The following BLTP2 variants were observed in gnomAD, a reference collection of about 807,000 sequenced individuals.
The protein encoded by BLTP2 is bridge-like lipid transfer protein family member 2.
chr17:28,616,051 G>A, the BLTP2 span: 1 of 1,463,992 alleles, frequency 6.8e-7, no homozygotes, highest in Non-Finnish European at 9.6e-7. This position sits in a 1 kb window ranked among gnomAD's most constrained non-coding sequence, Gnocchi z 4.8. Flanking sequence ...ATCTTATCTG[G>A]TTCCCTTCCC....
the BLTP2 span, chr17:28,634,736 G>A: frequency 2.2e-5 from 36 of 1,614,010 alleles, no homozygotes; most frequent in Admixed American, 5.0e-5. Context: ...TAGAGACGAC[G>A]GGAACGCTGG....
the BLTP2 span, chr17:28,642,935 G>A: frequency 8.7e-6 from 14 of 1,611,572 alleles, no homozygotes; most frequent in African/African-American, 2.7e-5. Context: ...GGACTCAGAG[G>A]TATCCACCTT....
At chr17:28,614,713 TATATA>T in the BLTP2 span, 2 of 150,160 alleles carry the variant, frequency 1.3e-5, no homozygotes, top group African/African-American at 4.9e-5. Context: ...TAGAAATATA[TATATA>T]ATATATATAT....
the BLTP2 span, chr17:28,616,699 T>C: frequency 6.2e-7 from 1 of 1,614,180 alleles, no homozygotes; most frequent in Non-Finnish European, 8.5e-7. The surrounding 1 kb of genome is among the most constrained non-coding windows in gnomAD (Gnocchi z 4.8). Flanking sequence ...AAAAAGCCCA[T>C]CATTCTGTGG....
At chr17:28,631,687 A>G in the BLTP2 span, 1 of 1,613,884 alleles carries the variant, frequency 6.2e-7, no homozygotes, top group Non-Finnish European at 8.5e-7. Flanking sequence ...GCCTGCTGAG[A>G]AAAAGAGGCA....
chr17:28,624,502 G>T, the BLTP2 span: 1 of 877,974 alleles, frequency 1.1e-6, no homozygotes, highest in Non-Finnish European at 1.7e-6. Flanking sequence ...TAAGAGCTTA[G>T]AATACATCCT....
At chr17:28,630,206 G>T in the BLTP2 span, among the ~76,000 whole-genome samples, 1 of 151,984 alleles carries the variant, frequency 6.6e-6, no homozygotes, top group Non-Finnish European at 1.5e-5. Flanking sequence ...ACCCAGGCTG[G>T]AGAGCAGTGA....
the BLTP2 span, chr17:28,639,279 A>G: frequency 6.2e-7 from 1 of 1,611,286 alleles, no homozygotes; most frequent in Non-Finnish European, 8.5e-7. Flanking sequence ...AGAGAATCCA[A>G]CTGACAAGAA....
At chr17:28,633,064 G>A in the BLTP2 span, 2 of 1,593,676 alleles carry the variant, frequency 1.3e-6, no homozygotes, top group South Asian at 1.1e-5. Context: ...GGCCCGCAGA[G>A]TGACACTATG....
chr17:28,639,833 G>T, the BLTP2 span: 1 of 1,578,058 alleles, frequency 6.3e-7, no homozygotes, highest in Non-Finnish European at 8.7e-7. Flanking sequence ...GAGACCATAT[G>T]GGGCATGAGC....
chr17:28,643,240 G>A, the BLTP2 span: 2 of 1,614,116 alleles, frequency 1.2e-6, no homozygotes, highest in Non-Finnish European at 1.7e-6. Context: ...GGAGAATGGG[G>A]CAGACAGGTC....
the BLTP2 span, chr17:28,643,671 A>C: frequency 6.2e-7 from 1 of 1,613,788 alleles, no homozygotes; most frequent in Non-Finnish European, 8.5e-7. Flanking sequence ...TAAAACAGTG[A>C]GGGAGAAAGC....
chr17:28,624,223 G>T, the BLTP2 span: 494 of 1,612,558 alleles, frequency 3.1e-4, 3 homozygotes, highest in South Asian at 5.3e-3. Context: ...AACTTGTAAA[G>T]AGAAGGTACC....
the BLTP2 span, chr17:28,615,942 A>G: frequency 9.4e-7 from 1 of 1,069,172 alleles, no homozygotes; most frequent in Non-Finnish European, 1.4e-6. Flanking sequence ...CAGCCTCGTA[A>G]TGATGCTGAC....
chr17:28,644,109 AAAGCGG>A, the BLTP2 span: 1 of 1,614,266 alleles, frequency 6.2e-7, no homozygotes, highest in Non-Finnish European at 8.5e-7. Flanking sequence ...GGATCCAAAA[AAAGCGG>A]AAGGAGCCAA....
At chr17:28,620,910 G>T in the BLTP2 span, 1 of 1,354,668 alleles carries the variant, frequency 7.4e-7, no homozygotes, top group Non-Finnish European at 1.0e-6. Flanking sequence ...TAACTCTACT[G>T]TCTCAAAACC....
chr17:28,638,983 T>C, the BLTP2 span: 5 of 458,158 alleles, frequency 1.1e-5, no homozygotes, highest in Admixed American at 4.0e-5. Context: ...TGCAGCACAA[T>C]AGAAGCACTA....
the BLTP2 span, among the ~76,000 whole-genome samples, chr17:28,618,405 C>T: frequency 3.3e-5 from 5 of 152,242 alleles, no homozygotes; most frequent in East Asian, 3.9e-4. Flanking sequence ...GTATGCACCA[C>T]GATGCCCAGC....
At chr17:28,639,563 C>T in the BLTP2 span, 22 of 1,613,842 alleles carry the variant, frequency 1.4e-5, no homozygotes, top group Admixed American at 5.0e-5. Flanking sequence ...CTTGGTACCA[C>T]AATCATCACA....
Sources: gnomAD v4.1 joint callset for allele counts (sites outside exome capture counted in the v4.1 genomes callset) on GRCh38, gnomAD v4.1.1 for gene constraint, Gnocchi (gnomAD v3.1) non-coding constraint, MANE v1.5 for transcripts, NCBI Gene and HGNC (gene_info 2026-07-23, HGNC 2026-07-21) for gene names.